HIVEP3: variants seen among roughly 807,000 people sequenced by gnomAD.
HIVEP3 encodes transcription factor HIVEP3.
In HIVEP3, 49 loss-of-function variants were observed where a neutral mutation model predicts 152.8. That is an observed-to-expected ratio of 0.32 (90% CI 0.26 to 0.41). HIVEP3 has a LOEUF of 0.41. Among genes scored for constraint, HIVEP3 ranks in the 10% least tolerant of loss-of-function variants. HIVEP3 has a pLI of 1.00. For missense variants in HIVEP3, 2,790 were observed against 3,103.3 expected, an observed-to-expected ratio of 0.90 and a Z score of 2.40; for synonymous variants, 1,269 against 1,289.0, an observed-to-expected ratio of 0.98 and a Z score of 0.33.
At chr1:41,966,000 A>C (rs1255557705) in intron 1 of HIVEP3, among the ~76,000 whole-genome samples, 1 of 152,158 alleles carries the variant, frequency 6.6e-6, no homozygotes, top group Non-Finnish European at 1.5e-5. Context: ...GTCACCTACA[A>C]GGGAAGCCCA....
chr1:41,956,011 C>T (rs537176472), intron 1 of HIVEP3, among the ~76,000 whole-genome samples: 47 of 152,300 alleles, frequency 3.1e-4, no homozygotes, highest in African/African-American at 1.1e-3. Context: ...GGCTTGTAGC[C>T]GGGACTCACT....
chr1:41,546,994 A>G (rs1399815696), intron 5 of HIVEP3, among the ~76,000 whole-genome samples: 1 of 152,210 alleles, frequency 6.6e-6, no homozygotes, highest in East Asian at 1.9e-4. Flanking sequence ...CGCAGTGCTC[A>G]TCGGGAGTGG....
intron 1 of HIVEP3, among the ~76,000 whole-genome samples, chr1:41,911,303 T>A (rs1644792328): frequency 6.6e-6 from 1 of 152,210 alleles, no homozygotes; most frequent in African/African-American, 2.4e-5. Context: ...TGAAAGCAGA[T>A]TAGATACTGT....
intron 1 of HIVEP3, among the ~76,000 whole-genome samples, chr1:41,883,181 A>T (rs1325741293): frequency 6.6e-6 from 1 of 152,118 alleles, no homozygotes; most frequent in Non-Finnish European, 1.5e-5. Context: ...ACAACCTAGG[A>T]GGTCTGAGGA....
rs1644111430 is a variant in HIVEP3 at position 41,873,139 on chromosome 1, A to G, written c.-801+45274T>C. 6.6e-6 allele frequency among the ~76,000 whole-genome samples: 1 copy of G among 152,240 alleles called. No individual in the cohort carries two copies. Among genetic ancestry groups the G allele is most frequent in the Non-Finnish European group, 1.5e-5 (1 of 68,044 alleles). ...GCGGCTTCCCAGGCAGGGTCTGCTCAGGACTGCTCTAGCCAGATGCCTCCC... is the reference window on the plus strand; with the variant it reads ...GCGGCTTCCCAGGCAGGGTCTGCTCGGGACTGCTCTAGCCAGATGCCTCCC... On this transcript the variant is annotated intron_variant, in intron 1 of 8. Transcript: ENST00000372583. This position sits in a 1 kb window ranked among gnomAD's most constrained non-coding sequence, Gnocchi z 4.2.
intron 3 of HIVEP3, among the ~76,000 whole-genome samples, chr1:41,604,220 G>T (rs1335068428): frequency 1.3e-5 from 2 of 152,104 alleles, no homozygotes; most frequent in Non-Finnish European, 2.9e-5. Flanking sequence ...AAAACACAAA[G>T]AAGAATTTTC....
chr1:41,994,476 G>T (rs1224904158), intron 1 of HIVEP3, among the ~76,000 whole-genome samples: 1 of 152,148 alleles, frequency 6.6e-6, no homozygotes, highest in Non-Finnish European at 1.5e-5. Flanking sequence ...CATGGGAACA[G>T]GTTTCCCCCA....
intron 6 of HIVEP3, among the ~76,000 whole-genome samples, chr1:41,523,392 G>A (rs963345959): frequency 6.6e-6 from 1 of 152,172 alleles, no homozygotes; most frequent in African/African-American, 2.4e-5. Flanking sequence ...AAAGGCAGTG[G>A]GAGGGCAGGC....
intron 1 of HIVEP3, among the ~76,000 whole-genome samples, chr1:42,021,962 T>C (rs1645557191): frequency 6.6e-6 from 1 of 152,246 alleles, no homozygotes. Context: ...TCTCTCCATC[T>C]GTCCGCTATG....
At position 41,700,778 on chromosome 1, in the gene HIVEP3, C is replaced by T. The variant is rs541393956; in HGVS notation, c.-721+138G>A. On this transcript the variant is annotated intron_variant, in intron 2 of 8. Transcript: ENST00000372583. ...TTTGGGTGGCTTTTTCCTAAAGTGTCGGTAGCGTGTGGGGCTCCATTCTCC... is the reference window on the plus strand; with the variant it reads ...TTTGGGTGGCTTTTTCCTAAAGTGTTGGTAGCGTGTGGGGCTCCATTCTCC... 304 of 202,732 alleles carry T rather than the reference C, an allele frequency of 1.5e-3. 2 individuals are homozygous for T. Among genetic ancestry groups the T allele is most frequent in the Middle Eastern group, 2.6e-3 (1 of 388 alleles). The allele number at this position is 202,732 out of a possible 1,614,324, so 12.6% of individuals were successfully genotyped here.
At chr1:41,909,086 G>C (rs757834846) in intron 1 of HIVEP3, among the ~76,000 whole-genome samples, 2 of 152,158 alleles carry the variant, frequency 1.3e-5, no homozygotes, top group Non-Finnish European at 2.9e-5. Flanking sequence ...GTAGATTTTA[G>C]AGGCAACAAT....
chr1:42,019,027 T>C (rs1291214604), intron 1 of HIVEP3, among the ~76,000 whole-genome samples: 2 of 152,050 alleles, frequency 1.3e-5, no homozygotes, highest in Admixed American at 6.6e-5. Flanking sequence ...TGTCTTTTGT[T>C]ACAGGAATCT....
In HIVEP3 at chr1:41,640,752, T is replaced by C. The variant is rs866740487; in HGVS notation, c.-720-11805A>G. On this transcript the variant is annotated intron_variant, in intron 2 of 8. Coordinates refer to ENST00000372583, the MANE Select transcript of HIVEP3 (RefSeq NM_024503.5). ...TTGAGTGTCTTCCACGTGCAAAGGCTGTCCCTGCATTTTTTCACAGTCATA... is the reference window on the plus strand; with the variant it reads ...TTGAGTGTCTTCCACGTGCAAAGGCCGTCCCTGCATTTTTTCACAGTCATA... Among the ~76,000 whole-genome samples, 34 of 152,352 alleles carry C rather than the reference T, an allele frequency of 2.2e-4. 1 individual carries two copies. In the Middle Eastern group the frequency reaches 0.01, roughly 46 times the overall value.
intron 5 of HIVEP3, among the ~76,000 whole-genome samples, chr1:41,574,394 G>C (rs1307552745): frequency 2.0e-5 from 3 of 152,144 alleles, no homozygotes; most frequent in African/African-American, 7.2e-5. Context: ...GGTATTTTAG[G>C]CAGTAGGTTT....
At chr1:41,807,647 G>A (rs1367908275) in intron 1 of HIVEP3, among the ~76,000 whole-genome samples, 2 of 152,226 alleles carry the variant, frequency 1.3e-5, no homozygotes, top group Non-Finnish European at 2.9e-5. Context: ...TGTCTCTGGG[G>A]CTGATGACAG....
At chr1:41,824,742 A>AATATATATAT (rs375409601) in intron 1 of HIVEP3, among the ~76,000 whole-genome samples, 5 of 75,090 alleles carry the variant, frequency 6.7e-5, no homozygotes, top group African/African-American at 7.6e-5. Flanking sequence ...TTCCAAGTTA[A>AATATATATAT]ATATATATAT....
At chr1:41,969,666 A>G (rs1365176501) in intron 1 of HIVEP3, among the ~76,000 whole-genome samples, 1 of 152,244 alleles carries the variant, frequency 6.6e-6, no homozygotes, top group African/African-American at 2.4e-5. Flanking sequence ...TTCATGATGA[A>G]AACATCAAAA....
At chr1:41,556,546 T>TA (rs1387238163) in intron 5 of HIVEP3, among the ~76,000 whole-genome samples, 25 of 152,256 alleles carry the variant, frequency 1.6e-4, no homozygotes. Flanking sequence ...CCTTATCAAA[T>TA]ATATGATTTG....
intron 6 of HIVEP3, among the ~76,000 whole-genome samples, chr1:41,524,508 CTGTG>C (rs944556554): frequency 6.6e-6 from 1 of 152,092 alleles, no homozygotes; most frequent in Non-Finnish European, 1.5e-5. Context: ...GGTGCAGGGG[CTGTG>C]TGTGTGTTCC....
Sources: allele counts gnomAD v4.1 joint callset (sites outside exome capture counted in the v4.1 genomes callset), GRCh38; gene constraint gnomAD v4.1.1; non-coding constraint Gnocchi (gnomAD v3.1); transcripts MANE v1.5; gene names NCBI Gene and HGNC (gene_info 2026-07-23, HGNC 2026-07-21).